EDC3: variants seen among roughly 807,000 people sequenced by gnomAD.
EDC3 encodes the protein enhancer of mRNA decapping 3, also known as enhancer of mRNA-decapping protein 3.
A neutral mutation model predicts 41.8 loss-of-function variants in EDC3; 20 were observed. That is an observed-to-expected ratio of 0.48 (90% CI 0.34 to 0.70). The LOEUF (loss-of-function observed/expected upper bound fraction) is 0.70. Ranked by LOEUF, EDC3 falls within the 30% of genes least tolerant of loss-of-function variation. EDC3 has a pLI of 0.01. For missense variants in EDC3, 444 were observed against 636.8 expected (o/e 0.70, Z 3.26); for synonymous variants, 206 against 243.2 (o/e 0.85, Z 1.42).
intron 3 of EDC3, among the ~76,000 whole-genome samples, chr15:74,657,430 A>G (rs1476771877): frequency 6.6e-6 from 1 of 152,266 alleles, no homozygotes. Context: ...GCCAGGTTCC[A>G]GTGCTTGTGC....
intron 2 of EDC3, among the ~76,000 whole-genome samples, chr15:74,672,729 C>T (rs2062753536): frequency 1.3e-5 from 2 of 151,920 alleles, no homozygotes; most frequent in Middle Eastern, 3.4e-3. Flanking sequence ...GCATGAGAAT[C>T]GTTTCACCCT....
chr15:74,681,163 A>G (rs1050711003), intron 1 of EDC3, among the ~76,000 whole-genome samples: 1 of 151,916 alleles, frequency 6.6e-6, no homozygotes, highest in Non-Finnish European at 1.5e-5. Context: ...CTAAATCAAT[A>G]TTTTTTTTGA....
chr15:74,633,696 G>C (rs112202404), intron 6 of EDC3, among the ~76,000 whole-genome samples: 2 of 152,222 alleles, frequency 1.3e-5, no homozygotes, highest in African/African-American at 4.8e-5. Flanking sequence ...CTTAATGGTC[G>C]TTGAGACTTG....
At chr15:74,652,707 T>C (rs942695660) in intron 4 of EDC3, among the ~76,000 whole-genome samples, 1 of 151,966 alleles carries the variant, frequency 6.6e-6, no homozygotes, top group Non-Finnish European at 1.5e-5. Flanking sequence ...GCCTCCTGAG[T>C]AGCTGGGACT....
intron 4 of EDC3, among the ~76,000 whole-genome samples, chr15:74,645,571 G>GA (rs1373534255): frequency 6.9e-6 from 1 of 145,724 alleles, no homozygotes; most frequent in Admixed American, 6.8e-5. Flanking sequence ...AGTTGGGGGG[G>GA]GGGGGGTGCC....
intron 2 of EDC3, among the ~76,000 whole-genome samples, chr15:74,673,837 C>CAA (rs748537794): frequency 1.0e-3 from 47 of 47,190 alleles, no homozygotes; most frequent in African/African-American, 2.3e-3. Flanking sequence ...GAGACTCCAT[C>CAA]AAAAAAAAAA....
intron 4 of EDC3, among the ~76,000 whole-genome samples, chr15:74,649,231 AT>A (rs954111687): frequency 4.8e-5 from 7 of 147,070 alleles, no homozygotes; most frequent in Non-Finnish European, 4.5e-5. Flanking sequence ...CGCCCGGCTA[AT>A]TTTTTTTTTG....
chr15:74,674,909 A>C, intron 2 of EDC3, 52 bp downstream of exon 2: 1 of 1,605,096 alleles, frequency 6.2e-7, no homozygotes. Context: ...ACCTAGGTTC[A>C]AGCTCCACAG....
At chr15:74,685,788 C>A (rs1490455102) in intron 1 of EDC3, among the ~76,000 whole-genome samples, 1 of 152,172 alleles carries the variant, frequency 6.6e-6, no homozygotes, top group South Asian at 2.1e-4. Context: ...AAGTGAAACA[C>A]TGGTTCAGTG....
intron 3 of EDC3, among the ~76,000 whole-genome samples, chr15:74,662,575 A>G (rs1376472955): frequency 6.6e-6 from 1 of 152,184 alleles, no homozygotes; most frequent in Non-Finnish European, 1.5e-5. Flanking sequence ...TGAAAAGGCC[A>G]GGAAGATAAA....
chr15:74,638,370 G>A (rs1596301230), intron 5 of EDC3: 1 of 100,396 alleles, frequency 1.0e-5, no homozygotes, highest in Non-Finnish European at 1.8e-5. Context: ...TCTTGCTCTT[G>A]TTGCCCAGGC....
At chr15:74,634,638 G>A (rs969802772) in intron 6 of EDC3, among the ~76,000 whole-genome samples, 1 of 152,076 alleles carries the variant, frequency 6.6e-6, no homozygotes, top group Non-Finnish European at 1.5e-5. Context: ...TGGAGCCATT[G>A]CCAACTCTTC....
intron 4 of EDC3, chr15:74,645,210 A>G (rs1363079265): frequency 1.3e-5 from 2 of 152,192 alleles, no homozygotes; most frequent in Non-Finnish European, 2.9e-5. Flanking sequence ...TTAAAAATAC[A>G]GCTATAAAGG....
intron 5 of EDC3, chr15:74,639,072 CA>C (rs1032501068): frequency 4.6e-5 from 7 of 152,172 alleles, no homozygotes; most frequent in African/African-American, 1.7e-4. Context: ...CATGCCTCAC[CA>C]AACCTGGTTT....
At chr15:74,654,002 C>T (rs997310073) in intron 4 of EDC3, among the ~76,000 whole-genome samples, 4 of 152,114 alleles carry the variant, frequency 2.6e-5, no homozygotes, top group African/African-American at 9.7e-5. Flanking sequence ...CCTGTAATCC[C>T]AGCGCTTTGG....
chr15:74,667,996 A>G (rs1317809380), intron 3 of EDC3, among the ~76,000 whole-genome samples: 1 of 152,214 alleles, frequency 6.6e-6, no homozygotes, highest in Non-Finnish European at 1.5e-5. Context: ...GTGAACATCA[A>G]AAGTTATAAA....
chr15:74,691,091 T>C (rs888387664), intron 1 of EDC3, among the ~76,000 whole-genome samples: 4 of 150,882 alleles, frequency 2.7e-5, no homozygotes, highest in African/African-American at 9.8e-5. Context: ...GAGCCAAGAT[T>C]GCACCACTGC....
intron 3 of EDC3, among the ~76,000 whole-genome samples, chr15:74,662,576 G>A (rs541318378): frequency 6.6e-6 from 1 of 151,962 alleles, no homozygotes; most frequent in Non-Finnish European, 1.5e-5. Context: ...GAAAAGGCCA[G>A]GAAGATAAAG....
intron 4 of EDC3, chr15:74,642,995 GA>G (rs2141587809): frequency 6.6e-6 from 1 of 152,418 alleles, no homozygotes; most frequent in East Asian, 1.9e-4. Context: ...CCTAGAGAAA[GA>G]CAAAGCCAAG....
Sources: allele counts gnomAD v4.1 joint callset (sites outside exome capture counted in the v4.1 genomes callset), GRCh38; gene constraint gnomAD v4.1.1; transcripts MANE v1.5; gene names NCBI Gene and HGNC (gene_info 2026-07-23, HGNC 2026-07-21).